PKD1: variants seen among roughly 807,000 people sequenced by gnomAD.
PKD1 encodes polycystin-1.
In PKD1, 81 loss-of-function variants were observed where a neutral mutation model predicts 361.7. The observed-to-expected ratio is 0.22, with a 90% confidence interval of 0.19 to 0.27. The LOEUF is 0.27. Among genes scored for constraint, PKD1 ranks in the 10% least tolerant of loss-of-function variants. The pLI is 1.00. For missense variants in PKD1, 6,399 were observed against 6,118.3 expected (o/e 1.05, Z -1.53); for synonymous variants, 3,615 against 2,818.3 (o/e 1.28, Z -8.95).
Position 2,109,531 on chromosome 16 carries a change from T to C in PKD1, c.5636A>G (p.Tyr1879Cys). Residue 1879 changes from tyrosine (Y) to cysteine (C), a missense_variant, in exon 15 of 46, where the codon TAC (tyrosine) becomes TGC (cysteine). Coordinates refer to ENST00000262304, the MANE Select transcript of PKD1 (RefSeq NM_001009944.3). ...GATGGGCTCCTCCGCCGTGAGGTTG[T>C]ACGTGGCTGAGACCCAGCTGACTGC... is the stretch of plus-strand genomic sequence containing the variant. ...SNAVSWVSAT[Y>C]NLTAEEPIVG... is the part of the protein sequence containing the mutation. 1 of 1,611,240 alleles carries C rather than the reference T, an allele frequency of 6.2e-7. No homozygotes were observed. Among genetic ancestry groups the C allele is most frequent in the Non-Finnish European group, 8.5e-7 (1 of 1,179,476 alleles).
At position 2,118,744 on chromosome 16, in the gene PKD1, G is replaced by A. The variant is rs1441482246; in HGVS notation, c.461C>T (p.Thr154Met). 1.2e-5 allele frequency: 17 copies of A among 1,463,894 alleles called. No homozygotes were observed. The East Asian group carries it at 2.3e-4, about 20-fold the overall frequency. The allele number at this position is 1,463,894 out of a possible 1,614,324, so 90.7% of individuals were successfully genotyped here. Residue 154 changes from threonine (T) to methionine (M), a missense_variant, in exon 4 of 46, where the codon ACG becomes ATG. Thr to Met is a moderately conservative substitution (Grantham distance 81, BLOSUM62 -1). Coordinates refer to ENST00000262304, the MANE Select transcript of PKD1 (RefSeq NM_001009944.3). This position sits in a 1 kb window ranked among gnomAD's most constrained non-coding sequence, Gnocchi z 6.0. ...QVRVVQPEAA[T>M]CAGPGSLAGQ... The stretch of plus-strand genomic sequence containing the variant: ...AGCCAGGGAGCCAGGCCCAGCACAC[G>A]TGGCTGCCTCGGGCTGCACCACCCG...
chr16:2,090,663 C>T lies in PKD1; in HGVS notation c.12138+11G>A. On this transcript the variant is annotated intron_variant, in intron 44 of 45. Transcript: ENST00000262304. ...AGCTAAGACGCCCTCCCCGGCCGCG[C>T]AGTCACCTACCAGGATGGCCAGCTG... 6.2e-7 allele frequency: 1 copy of T among 1,611,726 alleles called. No individual in the cohort carries two copies. The highest frequency in any genetic ancestry group is 1.1e-5 in the South Asian group (1 of 91,078).
intron 34 of PKD1, 131 bp downstream of exon 34, chr16:2,097,017 T>C: frequency 1.5e-6 from 1 of 683,504 alleles, no homozygotes; most frequent in South Asian, 1.7e-5. Context: ...TTCAGAGAAG[T>C]GAAGTGGTGC....
Position 2,110,530 on chromosome 16 carries a change from C to A in PKD1, c.4637G>T (p.Arg1546Leu). The A allele has an allele frequency of 6.2e-7, 1 of 1,611,686 alleles. No individual in the cohort carries two copies. The highest frequency in any genetic ancestry group is 1.1e-5 in the South Asian group (1 of 91,040). The stretch of plus-strand genomic sequence containing the variant: ...ATTGACGACGAGCCCCCGCACGCGC[C>A]GCTTCACCGTCACATTGAGCCAGGC... The part of the protein sequence containing the change: ...SEAWLNVTVK[R>L]RVRGLVVNAS... The change falls in exon 15 of 46, where the codon CGG (arginine) becomes CTG (leucine). Residue 1546 changes from arginine (R) to leucine (L), a missense_variant. Arg to Leu is a moderately radical substitution (Grantham distance 102). Transcript: ENST00000262304.
chr16:2,105,199 T>C (rs879197199), intron 21 of PKD1, 123 bp downstream of exon 21: 4 of 917,566 alleles, frequency 4.4e-6, no homozygotes, highest in Non-Finnish European at 6.7e-6. Context: ...AGGAACGCCA[T>C]GGCAGGAAGG....
At position 2,089,697 on chromosome 16, in the gene PKD1, TC is replaced by T; in HGVS notation, c.*29del. 6.4e-7 allele frequency: 1 copy of T among 1,556,112 alleles called. No homozygotes were observed. Among genetic ancestry groups the T allele is most frequent in the Non-Finnish European group, 8.7e-7 (1 of 1,150,880 alleles). ...AATACTGAGCGGTGTCCACTCCGACTCCACGGCCCACCCCCGCCAGGAAGGA... is the reference window on the plus strand; with the variant it reads ...AATACTGAGCGGTGTCCACTCCGACTCACGGCCCACCCCCGCCAGGAAGGA... On this transcript the variant is annotated 3_prime_UTR_variant, in exon 46 of 46. Coordinates refer to ENST00000262304, the MANE Select transcript of PKD1 (RefSeq NM_001009944.3).
intron 34 of PKD1, chr16:2,094,721 G>C (rs535845154): frequency 4.0e-5 from 7 of 174,240 alleles, no homozygotes; most frequent in Admixed American, 2.2e-4. Context: ...GTGTCTCCAG[G>C]AGCCAGTGAC....
chr16:2,099,571 G>A, intron 30 of PKD1, 73 bp downstream of exon 30: 1 of 1,456,756 alleles, frequency 6.9e-7, no homozygotes, highest in Admixed American at 1.9e-5. Context: ...GCACTGGAAA[G>A]TGGCGGCCCT....
rs964153797 is a variant in PKD1, at chr16:2,099,671, A to G, written c.10023T>C (p.Leu3341=). ...VVVYPVYLAI[L]FLFRMSRSKV... ...TGCTCCGGGACATCCGGAAGAGAAA[A>G]AGGATGGCCAGGTAGACGGGATAGA... Residue 3341 remains leucine, a synonymous_variant, in exon 30 of 46, where the codon CTT becomes CTC. Transcript: ENST00000262304. 2.2e-5 allele frequency: 35 copies of G among 1,594,692 alleles called. No homozygotes were observed. The East Asian group carries it at 4.2e-4, about 19-fold the overall frequency.
Position 2,123,563 on chromosome 16 carries a change from C to T in PKD1, c.216-4185G>A, listed in dbSNP as rs1169872557. The T allele has an allele frequency of 6.6e-6, 3 of 454,758 alleles. No individual in the cohort carries two copies. The East Asian group carries it at 2.1e-4, about 32-fold the overall frequency. The allele number at this position is 454,758 out of a possible 1,614,324, so 28.2% of individuals were successfully genotyped here. A position where few individuals can be genotyped will look rare whatever the true frequency, so the allele number is the denominator to read the frequency against. ...AGCCAGGCAGCCTCGCGCCAGCCCC[C>T]CCACCCCGCCCCTCGGGCTTCCTCT... On this transcript the variant is annotated intron_variant, in intron 1 of 45. Transcript: ENST00000262304.
chr16:2,090,494 A>G lies in PKD1; in HGVS notation c.12235T>C (p.Ser4079Pro). ...TGLSTLCPAE[S>P]WHLSPLLCVG... ...CACAGCAGGGGTGACAGGTGCCAGGACTCGGCAGGACACAGGGTAGAGAGC... is the reference window on the plus strand; with the variant it reads ...CACAGCAGGGGTGACAGGTGCCAGGGCTCGGCAGGACACAGGGTAGAGAGC... Residue 4079 changes from serine to proline, a missense_variant, in exon 45 of 46, where the codon TCC becomes CCC. By Grantham distance (74) the Ser-to-Pro change is moderately conservative (BLOSUM62 -1). Transcript: ENST00000262304. 1.2e-6 allele frequency: 2 copies of G among 1,611,714 alleles called. No individual in the cohort carries two copies. Among genetic ancestry groups the G allele is most frequent in the Non-Finnish European group, 1.7e-6 (2 of 1,179,662 alleles).
At chr16:2,091,199 C>CGGAA (rs2091507553) in intron 42 of PKD1, 25 bp from the exon 43 acceptor site, 10 of 870,968 alleles carry the variant, frequency 1.1e-5, no homozygotes, top group African/African-American at 3.2e-5. Context: ...GTCAGGAGGG[C>CGGAA]GGGAGGGACG....
rs748377527 is a variant in PKD1 at position 2,114,337 on chromosome 16, C to G, written c.2686G>C (p.Val896Leu). The G allele has an allele frequency of 7.5e-6, 12 of 1,610,546 alleles. No individual in the cohort carries two copies. The highest frequency in any genetic ancestry group is 1.0e-5 in the Non-Finnish European group (12 of 1,179,678). The part of the protein sequence containing the change: ...PWETNDTLFS[V>L]VALPWLSEGE... ...TCACTGAGCCACGGCAGTGCTACCA[C>G]TGAGAACAGGGTATCGTTGGTCTCC... is the stretch of plus-strand genomic sequence containing the variant. Residue 896 changes from valine (V) to leucine (L), a missense_variant, in exon 11 of 46, where the codon GTG becomes CTG. Coordinates refer to ENST00000262304, the MANE Select transcript of PKD1 (RefSeq NM_001009944.3).
chr16:2,129,362 C>T (rs2092839093), intron 1 of PKD1, among the ~76,000 whole-genome samples: 1 of 150,850 alleles, frequency 6.6e-6, no homozygotes, highest in Non-Finnish European at 1.5e-5. Flanking sequence ...GCCTCAAACT[C>T]CTGGCCTCAA....
At chr16:2,112,579 C>G in intron 13 of PKD1, 106 bp from the exon 14 acceptor site, 1 of 1,099,976 alleles carries the variant, frequency 9.1e-7, no homozygotes, top group South Asian at 1.4e-5. Context: ...AGTCACGCCC[C>G]GGGCCTCCAT....
chr16:2,115,298 C>A (rs2151815849), intron 10 of PKD1, 80 bp downstream of exon 10: 2 of 1,378,684 alleles, frequency 1.5e-6, no homozygotes, highest in Non-Finnish European at 2.0e-6. Flanking sequence ...GTGTCTGGTG[C>A]ACAGACCCAG....
In PKD1 at chr16:2,127,273, C is replaced by T. The variant is rs1356761409; in HGVS notation, c.216-7895G>A. 4.6e-5 allele frequency among the ~76,000 whole-genome samples: 7 copies of T among 152,230 alleles called. No individual in the cohort carries two copies. The East Asian group carries it at 1.3e-3, about 29-fold the overall frequency. On this transcript the variant is annotated intron_variant, in intron 1 of 45. Transcript: ENST00000262304. Reference sequence around the variant, plus strand: ...AAGAACAAAAGGAGTGAGGACGGTACTCGCGGCTCTGCCAACACTTCCCAG... The same window carrying T: ...AAGAACAAAAGGAGTGAGGACGGTATTCGCGGCTCTGCCAACACTTCCCAG...
Position 2,090,895 on chromosome 16 carries a change from G to A in PKD1, c.11992C>T (p.Leu3998Phe). The A allele has an allele frequency of 6.2e-7, 1 of 1,600,406 alleles. No individual in the cohort carries two copies. The highest frequency in any genetic ancestry group is 8.5e-7 in the Non-Finnish European group (1 of 1,178,684). The change falls in exon 43 of 46, where the codon CTT (leucine) becomes TTT (phenylalanine). Residue 3998 changes from leucine (L) to phenylalanine (F), a missense_variant. Physicochemically the swap from Leu to Phe is conservative, Grantham distance 22 (BLOSUM62 0). Transcript: ENST00000262304. ...RGLAASLLFL[L>F]LVKAAQQLRF... The stretch of plus-strand genomic sequence containing the variant: ...GGCCCAGCCCTCACCTTGACCAAAA[G>A]CAGGAAGAGCAGCGAGGCCGCCAGG...
Position 2,092,081 on chromosome 16 carries a change from C to T in PKD1, c.11377G>A (p.Gly3793Arg), listed in dbSNP as rs1251388598. The T allele has an allele frequency of 1.2e-6, 2 of 1,612,770 alleles. No individual in the cohort carries two copies. The highest frequency in any genetic ancestry group is 2.2e-5 in the South Asian group (2 of 91,088). ...VGWESPHNGS[G>R]TWAYSAPDLL... ...TCCGGCGCTGAATAGGCCCACGTCC[C>T]CGAGCCATTGTGAGGACTCTCCCAG... is the stretch of plus-strand genomic sequence containing the variant. Residue 3793 changes from glycine to arginine, a missense_variant, in exon 40 of 46, where the codon GGG (glycine) becomes AGG (arginine). By Grantham distance (125) the Gly-to-Arg change is moderately radical. Transcript: ENST00000262304.
Sources: allele counts gnomAD v4.1 joint callset (sites outside exome capture counted in the v4.1 genomes callset), GRCh38; gene constraint gnomAD v4.1.1; non-coding constraint Gnocchi (gnomAD v3.1); transcripts MANE v1.5; gene names NCBI Gene and HGNC (gene_info 2026-07-23, HGNC 2026-07-21).